The following NUP107 variants were observed in gnomAD, a reference collection of about 807,000 sequenced individuals.
NUP107 encodes the protein nucleoporin 107, also known as nuclear pore complex protein Nup107.
Under a neutral mutation model 141.0 loss-of-function variants are expected in NUP107, and 101 were observed. The ratio of observed to expected loss-of-function variants is 0.72; its 90% CI spans 0.61 to 0.84. The LOEUF (loss-of-function observed/expected upper bound fraction) is 0.84. Among genes scored for constraint, NUP107 ranks in the 40% least tolerant of loss-of-function variants. The pLI is 0.00. For missense variants in NUP107, 941 were observed against 1,102.7 expected, an observed-to-expected ratio of 0.85 and a Z score of 2.08; for synonymous variants, 319 against 363.9, an observed-to-expected ratio of 0.88 and a Z score of 1.41.
chr12:68,719,793 T>A, intron 14 of NUP107, 139 bp downstream of exon 14: 1 of 652,242 alleles, frequency 1.5e-6, no homozygotes, highest in Non-Finnish European at 2.7e-6. Flanking sequence ...TAGGCTTAAC[T>A]ACTTATCAGA....
intron 26 of NUP107, among the ~76,000 whole-genome samples, chr12:68,739,110 T>C (rs1490901925): frequency 6.6e-6 from 1 of 152,174 alleles, no homozygotes; most frequent in African/African-American, 2.4e-5. Context: ...TTTGTACTTC[T>C]TTCAGCAGCT....
In NUP107 at chr12:68,720,750, CA is replaced by C. The variant is rs531529705; in HGVS notation, c.1252-367del. Among the ~76,000 whole-genome samples, 941 of 152,206 alleles carry C rather than the reference CA, an allele frequency of 6.2e-3. 9 individuals are homozygous for C. The highest frequency in any genetic ancestry group is 0.022 in the African/African-American group (897 of 41,540). On this transcript the variant is annotated intron_variant, in intron 14 of 27. Transcript: ENST00000229179. The stretch of plus-strand genomic sequence containing the variant: ...TTTGATGTTGTACATAGGTCAGTAT[CA>C]GAGAGTATCAGGTCAGTATCAGAAT...
Position 68,731,223 on chromosome 12 carries a change from A to G in NUP107, c.1848A>G (p.Glu616=). The G allele has an allele frequency of 6.2e-7, 1 of 1,612,012 alleles. No individual in the cohort carries two copies. Among genetic ancestry groups the G allele is most frequent in the Non-Finnish European group, 8.5e-7 (1 of 1,179,134 alleles). The part of the protein sequence containing the change: ...ALFLESVTEF[E]QRHHCLELAK... Reference sequence around the variant, plus strand: ...TTTTGGAAAGTGTTACAGAATTTGAACAGCGCCACCATTGCCTGGAGTTGG... The same window carrying G: ...TTTTGGAAAGTGTTACAGAATTTGAGCAGCGCCACCATTGCCTGGAGTTGG... The change falls in exon 21 of 28, where the codon GAA becomes GAG. Residue 616 remains glutamate (E), a synonymous_variant. Coordinates refer to ENST00000229179, the MANE Select transcript of NUP107 (RefSeq NM_020401.4).
In NUP107 at chr12:68,719,441, T is replaced by A; in HGVS notation, c.1174+10T>A. On this transcript the variant is annotated intron_variant, in intron 13 of 27. Coordinates refer to ENST00000229179, the MANE Select transcript of NUP107 (RefSeq NM_020401.4). ...CCTAATGTTAATGGAGGTATTTTAG[T>A]AGATTTTATTCTGACAGTTGAGGAC... The A allele has an allele frequency of 3.1e-6, 5 of 1,610,200 alleles. No individual in the cohort carries two copies. Among genetic ancestry groups the A allele is most frequent in the Non-Finnish European group, 4.2e-6 (5 of 1,176,572 alleles).
intron 4 of NUP107, 42 bp from the exon 5 acceptor site, chr12:68,691,926 C>G (rs762292251): frequency 6.6e-7 from 1 of 1,516,442 alleles, no homozygotes; most frequent in Non-Finnish European, 8.9e-7. Context: ...GACAATAACT[C>G]CATCACTTTT....
chr12:68,726,410 A>ATAGG, intron 18 of NUP107, 89 bp from the exon 19 acceptor site: 1 of 800,560 alleles, frequency 1.2e-6, no homozygotes, highest in Non-Finnish European at 2.1e-6. Context: ...TGAAAGCACT[A>ATAGG]TAGGAGTGAA....
intron 18 of NUP107, 45 bp downstream of exon 18, chr12:68,725,841 T>TTTG: frequency 3.8e-6 from 4 of 1,042,834 alleles, no homozygotes; most frequent in Non-Finnish European, 4.2e-6. Context: ...GTGTGTGTTT[T>TTTG]TTTTTTTTTT....
At chr12:68,710,126 T>C in intron 10 of NUP107, 33 bp downstream of exon 10, 1 of 1,055,162 alleles carries the variant, frequency 9.5e-7, no homozygotes, top group Non-Finnish European at 1.5e-6. Flanking sequence ...TTAAGGTCAC[T>C]CAATGTTGAT....
chr12:68,692,149 C>G, intron 5 of NUP107, 37 bp downstream of exon 5: 2 of 1,532,996 alleles, frequency 1.3e-6, no homozygotes, highest in East Asian at 4.6e-5. Context: ...AGTAGCTTTT[C>G]ACTTTAGCAA....
intron 10 of NUP107, among the ~76,000 whole-genome samples, chr12:68,712,644 GT>G (rs568962637): frequency 4.4e-4 from 55 of 125,862 alleles, no homozygotes; most frequent in East Asian, 9.2e-4. Context: ...TTTGTTTTTT[GT>G]TTTTTTTTTT....
chr12:68,706,586 T>C, intron 8 of NUP107: 1 of 688,132 alleles, frequency 1.5e-6, no homozygotes, highest in East Asian at 2.7e-5. Context: ...GGCTCCAGGA[T>C]GAGATTGAGG....
chr12:68,692,579 A>G (rs916929072), intron 5 of NUP107, among the ~76,000 whole-genome samples: 2 of 139,858 alleles, frequency 1.4e-5, no homozygotes, highest in Non-Finnish European at 3.2e-5. Flanking sequence ...ACTCCGTCTA[A>G]AAAAAAAAAA....
chr12:68,713,885 G>C (rs553281536), intron 11 of NUP107, 77 bp downstream of exon 11: 3 of 1,168,626 alleles, frequency 2.6e-6, no homozygotes, highest in South Asian at 1.3e-5. Flanking sequence ...TTTTCTCGTG[G>C]ATCTTTGTTT....
chr12:68,731,043 A>G, intron 20 of NUP107, 67 bp from the exon 21 acceptor site: 1 of 1,073,770 alleles, frequency 9.3e-7, no homozygotes, highest in Non-Finnish European at 1.3e-6. Flanking sequence ...TCCTGAATAC[A>G]TTTGAAATTT....
intron 26 of NUP107, among the ~76,000 whole-genome samples, chr12:68,740,684 G>A (rs954541684): frequency 2.0e-5 from 3 of 147,286 alleles, no homozygotes; most frequent in African/African-American, 7.4e-5. Context: ...AGCTTGTCCT[G>A]TTTTTTTTTT....
chr12:68,710,256 T>C (rs1592504187), intron 10 of NUP107, among the ~76,000 whole-genome samples, 163 bp downstream of exon 10: 1 of 152,352 alleles, frequency 6.6e-6, no homozygotes, highest in African/African-American at 2.4e-5. Context: ...TTATGGAATT[T>C]ATAATTGTTT....
chr12:68,735,654 A>G (rs1241973422), intron 26 of NUP107, among the ~76,000 whole-genome samples: 2 of 152,234 alleles, frequency 1.3e-5, no homozygotes, highest in Non-Finnish European at 1.5e-5. Flanking sequence ...TAACTCGAGT[A>G]GTATCAGTAA....
At chr12:68,734,903 C>A in intron 25 of NUP107, 70 bp downstream of exon 25, 2 of 1,491,946 alleles carry the variant, frequency 1.3e-6, no homozygotes, top group Non-Finnish European at 1.8e-6. Flanking sequence ...TTAAAGAGAT[C>A]GTTTCTTCAG....
At position 68,740,874 on chromosome 12, in the gene NUP107, A is replaced by T. The variant is rs182404073; in HGVS notation, c.2503-939A>T. On this transcript the variant is annotated intron_variant, in intron 26 of 27. Coordinates refer to ENST00000229179, the MANE Select transcript of NUP107 (RefSeq NM_020401.4). Reference sequence around the variant, plus strand: ...CCTCATCTCTACAAATAATAAAATTATTTTTTTTTTTAAATAGAAAAATTA... The same window carrying T: ...CCTCATCTCTACAAATAATAAAATTTTTTTTTTTTTTAAATAGAAAAATTA... Among the ~76,000 whole-genome samples the T allele has an allele frequency of 8.7e-3, 1,292 of 147,760 alleles. 22 individuals are homozygous for T. The highest frequency in any genetic ancestry group is 0.029 in the African/African-American group (1,177 of 40,280).
Sources: gnomAD v4.1 joint callset for allele counts (sites outside exome capture counted in the v4.1 genomes callset) on GRCh38, gnomAD v4.1.1 for gene constraint, MANE v1.5 for transcripts, NCBI Gene and HGNC (gene_info 2026-07-23, HGNC 2026-07-21) for gene names.